IQGAP1: variants seen among roughly 807,000 people sequenced by gnomAD.
IQGAP1 encodes IQ motif containing GTPase activating protein 1.
IQGAP1 carries 66 observed loss-of-function variants against 215.6 expected under a neutral mutation model. The observed-to-expected ratio is 0.31, with a 90% CI of 0.25 to 0.38. IQGAP1 has a LOEUF of 0.38. IQGAP1 is among the 10% of genes least tolerant of loss of function. The pLI is 1.00. For synonymous variants in IQGAP1, 772 were observed against 728.7 expected (o/e 1.06, Z -0.96); for missense variants, 1,712 against 1,997.1 (o/e 0.86, Z 2.72).
chr15:90,388,275 G>A lies in IQGAP1; in HGVS notation c.-67G>A. ...CAAGCCCGCGCACTTGGCAGGAGCTGTAGCTACCGCCGTCCGCGCCTCCAA... is the reference window on the plus strand; with the variant it reads ...CAAGCCCGCGCACTTGGCAGGAGCTATAGCTACCGCCGTCCGCGCCTCCAA... On this transcript the variant is annotated 5_prime_UTR_variant, in exon 1 of 38. Coordinates refer to ENST00000268182, the MANE Select transcript of IQGAP1 (RefSeq NM_003870.4). 4 of 1,558,304 alleles carry A rather than the reference G, an allele frequency of 2.6e-6. No homozygotes were observed. The South Asian group carries it at 4.5e-5, about 18-fold the overall frequency.
chr15:90,467,355 A>G, intron 17 of IQGAP1, 95 bp from the exon 18 acceptor site: 1 of 1,277,288 alleles, frequency 7.8e-7, no homozygotes, highest in Non-Finnish European at 1.1e-6. Flanking sequence ...GTCTTCATTT[A>G]GACTGTGAGA....
chr15:90,448,661 G>A lies in IQGAP1; in HGVS notation c.1002G>A (p.Gly334=). Residue 334 remains glycine, a synonymous_variant, in exon 10 of 38, where the codon GGG becomes GGA. Coordinates refer to ENST00000268182, the MANE Select transcript of IQGAP1 (RefSeq NM_003870.4). ...LFRALQSPAL[G]LRGLQQQNSD... is the part of the protein sequence containing the mutation. ...GGGCTCTGCAGTCACCAGCCCTGGG[G>A]CTTCGAGGACTGCAGCAACAGAATA... is the stretch of plus-strand genomic sequence containing the variant. The A allele has an allele frequency of 1.9e-6, 3 of 1,612,244 alleles. No individual in the cohort carries two copies. Among genetic ancestry groups the A allele is most frequent in the Non-Finnish European group, 1.7e-6 (2 of 1,179,192 alleles).
At chr15:90,424,799 A>G (rs1965197135) in intron 2 of IQGAP1, among the ~76,000 whole-genome samples, 1 of 151,786 alleles carries the variant, frequency 6.6e-6, no homozygotes, top group African/African-American at 2.4e-5. Context: ...AGATTGTACC[A>G]TTGCACTCCA....
chr15:90,390,919 T>C (rs1364131709), intron 2 of IQGAP1, 46 bp downstream of exon 2: 1 of 1,125,686 alleles, frequency 8.9e-7, no homozygotes. Flanking sequence ...AGGGAACTGA[T>C]AATAGTGTGA....
Position 90,466,375 on chromosome 15 carries a change from T to G in IQGAP1, c.1974T>G (p.Pro658=). Residue 658 remains proline, a synonymous_variant, in exon 17 of 38, where the codon CCT becomes CCG. Transcript: ENST00000268182. Reference sequence around the variant, plus strand: ...ATGTTGGCTTGTATGGAGTCATCCCTGAGTGTGGTGAAACTTACCACAGTG... The same window carrying G: ...ATGTTGGCTTGTATGGAGTCATCCCGGAGTGTGGTGAAACTTACCACAGTG... The part of the protein sequence containing the change: ...SPDVGLYGVI[P]ECGETYHSDL... The G allele has an allele frequency of 6.2e-7, 1 of 1,614,200 alleles. No homozygotes were observed. The highest frequency in any genetic ancestry group is 1.1e-5 in the South Asian group (1 of 91,084).
chr15:90,440,427 G>C, intron 6 of IQGAP1, 75 bp from the exon 7 acceptor site: 1 of 993,726 alleles, frequency 1.0e-6, no homozygotes, highest in Non-Finnish European at 1.5e-6. Flanking sequence ...TTGCATAGTT[G>C]AGGAATATGT....
chr15:90,420,108 A>G (rs1318254483), intron 2 of IQGAP1, among the ~76,000 whole-genome samples: 4 of 152,132 alleles, frequency 2.6e-5, no homozygotes, highest in Non-Finnish European at 5.9e-5. Flanking sequence ...TTACTTATGG[A>G]ATTGTCAGCA....
chr15:90,441,783 A>G, intron 8 of IQGAP1, 99 bp downstream of exon 8: 1 of 808,544 alleles, frequency 1.2e-6, no homozygotes, highest in Non-Finnish European at 1.9e-6. Context: ...TGCAGTTTAC[A>G]TACAACAAAA....
At chr15:90,399,367 A>G (rs894261716) in intron 2 of IQGAP1, among the ~76,000 whole-genome samples, 3 of 151,968 alleles carry the variant, frequency 2.0e-5, no homozygotes, top group Non-Finnish European at 4.4e-5. Context: ...ATTTTCTTAC[A>G]TATTTGTTTA....
At chr15:90,488,830 C>T (rs377617195) in intron 33 of IQGAP1, among the ~76,000 whole-genome samples, 8 of 152,058 alleles carry the variant, frequency 5.3e-5, no homozygotes, top group South Asian at 2.1e-4. Flanking sequence ...TGCGACTAGA[C>T]TACATGTCTA....
intron 18 of IQGAP1, among the ~76,000 whole-genome samples, chr15:90,468,532 T>A (rs1462985300): frequency 6.6e-6 from 1 of 152,008 alleles, no homozygotes; most frequent in Admixed American, 6.6e-5. Flanking sequence ...GTTGGTATCA[T>A]AAAAGAAAAA....
chr15:90,497,141 G>A, intron 36 of IQGAP1, 91 bp from the exon 37 acceptor site: 1 of 692,822 alleles, frequency 1.4e-6, no homozygotes, highest in Non-Finnish European at 2.5e-6. Context: ...TTTCACTCTT[G>A]AAGACTTGGT....
At chr15:90,482,330 T>A (rs1271133227) in intron 28 of IQGAP1, 49 bp downstream of exon 28, 2 of 1,564,678 alleles carry the variant, frequency 1.3e-6, no homozygotes. Flanking sequence ...GACAAAGCAA[T>A]AAAACCAGGG....
intron 2 of IQGAP1, 162 bp downstream of exon 2, chr15:90,391,035 A>G: frequency 1.8e-6 from 1 of 553,622 alleles, no homozygotes; most frequent in Admixed American, 3.0e-5. Flanking sequence ...CAGCTGTTTG[A>G]GACCAGATTG....
chr15:90,467,365 A>C, intron 17 of IQGAP1, 85 bp from the exon 18 acceptor site: 1 of 1,360,982 alleles, frequency 7.3e-7, no homozygotes, highest in South Asian at 1.5e-5. Flanking sequence ...AGACTGTGAG[A>C]CTAACTAATA....
intron 4 of IQGAP1, chr15:90,431,285 G>A (rs1177036119): frequency 1.3e-5 from 2 of 151,852 alleles, no homozygotes; most frequent in Admixed American, 1.3e-4. Context: ...ACAATTGTTA[G>A]GAAATGCAGT....
chr15:90,432,624 G>A (rs900908240), intron 4 of IQGAP1, among the ~76,000 whole-genome samples: 1 of 151,974 alleles, frequency 6.6e-6, no homozygotes, highest in Non-Finnish European at 1.5e-5. Context: ...AAACAATAGG[G>A]TATATTGCCT....
chr15:90,482,680 G>A, intron 28 of IQGAP1: 1 of 915,034 alleles, frequency 1.1e-6, no homozygotes, highest in Non-Finnish European at 1.3e-6. Flanking sequence ...TAATCTGAAT[G>A]CTTTTTTCTT....
At chr15:90,484,049 G>A (rs957088092) in intron 29 of IQGAP1, among the ~76,000 whole-genome samples, 171 bp from the exon 30 acceptor site, 5 of 152,140 alleles carry the variant, frequency 3.3e-5, no homozygotes, top group Non-Finnish European at 5.9e-5. Context: ...GAAGTTATTC[G>A]AACCACTATC....
Sources: allele counts gnomAD v4.1 joint callset (sites outside exome capture counted in the v4.1 genomes callset), GRCh38; gene constraint gnomAD v4.1.1; transcripts MANE v1.5; gene names NCBI Gene and HGNC (gene_info 2026-07-23, HGNC 2026-07-21).